PTPRD: variants seen among roughly 807,000 people sequenced by gnomAD.
PTPRD encodes receptor-type tyrosine-protein phosphatase delta.
PTPRD carries 34 observed loss-of-function variants against 214.5 expected under a neutral mutation model. The ratio of observed to expected loss-of-function variants is 0.16; its 90% CI spans 0.12 to 0.21. The LOEUF is 0.21. Ranked by LOEUF, PTPRD falls within the 10% of genes least tolerant of loss-of-function variation. PTPRD has a pLI of 1.00. For missense variants in PTPRD, 2,545 were observed against 2,398.7 expected (o/e 1.06, Z -1.27); for synonymous variants, 1,128 against 845.7 (o/e 1.33, Z -5.79).
In PTPRD at chr9:9,815,913, C is replaced by T. The variant is rs576874245; in HGVS notation, c.-367-49062G>A. On this transcript the variant is annotated intron_variant, in intron 5 of 45. Coordinates refer to ENST00000381196, the MANE Select transcript of PTPRD (RefSeq NM_002839.4). The stretch of plus-strand genomic sequence containing the variant: ...CTAAGTCCAAGATACTAAGTGTTCT[C>T]ACCACACATACACAAATGGTAGCTA... Among the ~76,000 whole-genome samples the T allele has an allele frequency of 1.5e-4, 23 of 152,218 alleles. 1 individual carries two copies. In the South Asian group the frequency reaches 4.8e-3, roughly 32 times the overall value.
At chr9:10,360,774 C>G (rs932361178) in intron 2 of PTPRD, among the ~76,000 whole-genome samples, 2 of 152,038 alleles carry the variant, frequency 1.3e-5, no homozygotes, top group East Asian at 3.9e-4. Flanking sequence ...ATTTTGTTAA[C>G]TGATAAAAGC....
At chr9:8,739,973 G>A (rs1299952133) in intron 11 of PTPRD, among the ~76,000 whole-genome samples, 5 of 152,168 alleles carry the variant, frequency 3.3e-5, no homozygotes, top group African/African-American at 1.2e-4. Context: ...ATGTGGAACT[G>A]TAAGTCCATT....
intron 7 of PTPRD, among the ~76,000 whole-genome samples, chr9:9,576,427 T>G (rs893650960): frequency 1.3e-5 from 2 of 152,180 alleles, no homozygotes; most frequent in African/African-American, 4.8e-5. Flanking sequence ...TATCACTTTC[T>G]GCTTTCATTA....
At chr9:8,569,523 A>G (rs1262145270) in intron 14 of PTPRD, among the ~76,000 whole-genome samples, 1 of 152,102 alleles carries the variant, frequency 6.6e-6, no homozygotes, top group Non-Finnish European at 1.5e-5. Context: ...TCCAATTATC[A>G]CACATCTCCG....
intron 8 of PTPRD, among the ~76,000 whole-genome samples, chr9:9,466,274 A>G (rs1389540726): frequency 6.6e-6 from 1 of 152,136 alleles, no homozygotes; most frequent in Non-Finnish European, 1.5e-5. Context: ...GTGTCACTCT[A>G]CTTCAGACTG....
intron 14 of PTPRD, among the ~76,000 whole-genome samples, chr9:8,567,461 C>CT (rs1315123264): frequency 6.6e-6 from 1 of 152,190 alleles, no homozygotes; most frequent in Non-Finnish European, 1.5e-5. Context: ...TCCTTCTTCA[C>CT]TAAGGATACC....
At chr9:9,210,575 A>T (rs2099947881) in intron 9 of PTPRD, among the ~76,000 whole-genome samples, 1 of 152,072 alleles carries the variant, frequency 6.6e-6, no homozygotes. Flanking sequence ...TATTTAAAAC[A>T]TCTCTTACCA....
chr9:10,074,827 C>T (rs1376630886), intron 3 of PTPRD, among the ~76,000 whole-genome samples: 1 of 152,116 alleles, frequency 6.6e-6, no homozygotes, highest in African/African-American at 2.4e-5. Context: ...CCGAAGCCAT[C>T]TGAAATGTTG....
intron 7 of PTPRD, among the ~76,000 whole-genome samples, chr9:9,643,747 A>G (rs1193934141): frequency 2.0e-5 from 3 of 152,192 alleles, no homozygotes; most frequent in Non-Finnish European, 2.9e-5. Context: ...AAGCTATATG[A>G]ATGATTGTTC....
chr9:9,858,783 A>C (rs1006650284), intron 5 of PTPRD, among the ~76,000 whole-genome samples: 1 of 152,262 alleles, frequency 6.6e-6, no homozygotes. Context: ...TGATTTACCC[A>C]AATCAACAGT....
At chr9:8,744,225 T>C (rs540647470) in intron 11 of PTPRD, among the ~76,000 whole-genome samples, 4 of 152,342 alleles carry the variant, frequency 2.6e-5, no homozygotes, top group Non-Finnish European at 4.4e-5. Context: ...AAAACCGCTA[T>C]GGAAAACGGT....
intron 14 of PTPRD, among the ~76,000 whole-genome samples, chr9:8,615,335 C>G (rs1045427439): frequency 6.6e-6 from 1 of 151,988 alleles, no homozygotes; most frequent in African/African-American, 2.4e-5. Context: ...TCAAGGAGGG[C>G]ATAGTAAGTA....
intron 5 of PTPRD, among the ~76,000 whole-genome samples, chr9:9,933,739 C>A (rs1049323507): frequency 6.8e-6 from 1 of 148,008 alleles, no homozygotes; most frequent in African/African-American, 2.6e-5. Context: ...TAATAGACAT[C>A]TACAGAACTC....
chr9:9,272,771 C>T (rs2132924670), intron 9 of PTPRD, among the ~76,000 whole-genome samples: 1 of 151,296 alleles, frequency 6.6e-6, no homozygotes, highest in Non-Finnish European at 1.5e-5. Flanking sequence ...ACTTTCATGT[C>T]CTAAAACCAG....
chr9:9,266,032 T>C (rs1046726618), intron 9 of PTPRD, among the ~76,000 whole-genome samples: 4 of 151,468 alleles, frequency 2.6e-5, no homozygotes, highest in South Asian at 2.1e-4. Flanking sequence ...GGTGAATAGA[T>C]TGATAAAGAT....
chr9:9,069,941 A>G (rs1486570281), intron 10 of PTPRD, among the ~76,000 whole-genome samples: 2 of 152,202 alleles, frequency 1.3e-5, no homozygotes, highest in Admixed American at 1.3e-4. Context: ...GAACCTATAA[A>G]ATTAAAAGAA....
rs186847043 is a variant in PTPRD at position 9,738,496 on chromosome 9, A to C, written c.-325-3925T>G. On this transcript the variant is annotated intron_variant, in intron 6 of 45. Transcript: ENST00000381196. ...TCTTGCTCTGTCACCCAGGTTAGAG[A>C]CCATCAGTGCGATCTTGGCTCACTA... 3.2e-3 allele frequency among the ~76,000 whole-genome samples: 381 copies of C among 119,122 alleles called. 2 individuals carry two copies. The Middle Eastern group carries it at 0.064, about 20-fold the overall frequency. The allele number at this position is 119,122 out of a possible 152,430, so 78.1% of individuals were successfully genotyped here.
At chr9:9,026,959 T>A (rs2099589447) in intron 10 of PTPRD, among the ~76,000 whole-genome samples, 1 of 151,594 alleles carries the variant, frequency 6.6e-6, no homozygotes, top group Non-Finnish European at 1.5e-5. Flanking sequence ...TCTCTTAAAC[T>A]TACTTTTGTC....
At chr9:8,619,697 C>T (rs1049781484) in intron 14 of PTPRD, among the ~76,000 whole-genome samples, 5 of 151,754 alleles carry the variant, frequency 3.3e-5, no homozygotes, top group African/African-American at 9.7e-5. Context: ...AACTCAAGGA[C>T]GATGACTAAA....
Sources: gnomAD v4.1 joint callset for allele counts (sites outside exome capture counted in the v4.1 genomes callset) on GRCh38, gnomAD v4.1.1 for gene constraint, MANE v1.5 for transcripts, NCBI Gene and HGNC (gene_info 2026-07-23, HGNC 2026-07-21) for gene names.